TBC1D8B: variants seen among roughly 807,000 people sequenced by gnomAD.
TBC1D8B encodes the protein TBC1 domain family member 8B.
Under a neutral mutation model 82.9 loss-of-function variants are expected in TBC1D8B, and 75 were observed. The ratio of observed to expected loss-of-function variants is 0.90; its 90% CI spans 0.75 to 1.10. The LOEUF is 1.10. Ranked by LOEUF, TBC1D8B falls within the 50% of genes least tolerant of loss-of-function variation. The pLI is 0.00. For synonymous variants in TBC1D8B, 276 were observed against 276.8 expected (o/e 1.00, Z 0.03); for missense variants, 794 against 796.9 (o/e 1.00, Z 0.04).
At chrX:106,845,602 G>A (rs748087510) in intron 10 of TBC1D8B, among the ~76,000 whole-genome samples, 2 of 110,455 alleles carry the variant, frequency 1.8e-5, no homozygotes, top group South Asian at 7.8e-4. Context: ...ATCACTTTCT[G>A]CTCGCACAAA....
At chrX:106,807,891 A>G (rs1931243862) in intron 1 of TBC1D8B, among the ~76,000 whole-genome samples, 1 of 110,812 alleles carries the variant, frequency 9.0e-6, no homozygotes, top group Non-Finnish European at 1.9e-5. Context: ...CATCTCTACT[A>G]AAAATACAAA....
rs1286721826 is a variant in TBC1D8B, at chrX:106,868,466, T to C, written c.2802T>C (p.Ser934=). ...CCAAGGAAGAATTACTTTATTTCAG[T>C]CAGCTGCATGGTAAATACCTGTTTA... is the stretch of plus-strand genomic sequence containing the variant. ...ELSKEELLYF[S]QLHVSKPANE... is the part of the protein sequence containing the mutation. Residue 934 remains serine (S), a synonymous_variant, in exon 18 of 21, where the codon AGT becomes AGC. Coordinates refer to ENST00000357242, the MANE Select transcript of TBC1D8B (RefSeq NM_017752.3). The C allele has an allele frequency of 3.0e-6, 3 of 991,007 alleles. No homozygotes were observed. The highest frequency in any genetic ancestry group is 3.9e-6 in the Non-Finnish European group (3 of 772,886). 81.7% of individuals were successfully genotyped at this position (991,007 alleles called of 1,213,427 possible).
At chrX:106,834,485 C>T (rs1022440272) in intron 7 of TBC1D8B, among the ~76,000 whole-genome samples, 1 of 110,808 alleles carries the variant, frequency 9.0e-6, no homozygotes, top group Non-Finnish European at 1.9e-5. Flanking sequence ...CCTCCCAAAT[C>T]TCATGTCATG....
At chrX:106,868,130 T>TA (rs924807741) in intron 17 of TBC1D8B, among the ~76,000 whole-genome samples, 1 of 110,060 alleles carries the variant, frequency 9.1e-6, no homozygotes, top group Non-Finnish European at 1.9e-5. Flanking sequence ...GGAAAACCAT[T>TA]AAAAAAACAA....
At chrX:106,843,409 T>A (rs887935745) in intron 10 of TBC1D8B, among the ~76,000 whole-genome samples, 20 of 112,139 alleles carry the variant, frequency 1.8e-4, no homozygotes, top group African/African-American at 6.1e-4. Flanking sequence ...TTTCTGCACA[T>A]CCTTGACAAC....
intron 7 of TBC1D8B, among the ~76,000 whole-genome samples, chrX:106,832,045 A>G (rs927959773): frequency 1.7e-4 from 19 of 111,455 alleles, no homozygotes; most frequent in African/African-American, 5.8e-4. Flanking sequence ...TTCTTTTATA[A>G]CTACACTTTT....
chrX:106,860,340 GGTGTGTGTGTGTGTGTGT>G (rs3078333), intron 14 of TBC1D8B, among the ~76,000 whole-genome samples: 8 of 82,787 alleles, frequency 9.7e-5, no homozygotes, highest in African/African-American at 1.7e-4. Context: ...TTTTATGATT[GGTGTGTGTGTGTGTGTGT>G]GTGTGTGTGT....
At chrX:106,819,741 T>G in intron 2 of TBC1D8B, among the ~76,000 whole-genome samples, 1 of 110,889 alleles carries the variant, frequency 9.0e-6, no homozygotes, top group East Asian at 2.8e-4. Context: ...TTATACCTGC[T>G]GACATCACGA....
chrX:106,832,224 T>C, intron 7 of TBC1D8B, among the ~76,000 whole-genome samples: 1 of 111,356 alleles, frequency 9.0e-6, no homozygotes, highest in Admixed American at 9.6e-5. Context: ...TCAAAGACAT[T>C]ATACAAAGAA....
intron 1 of TBC1D8B, chrX:106,814,437 G>A (rs1355820595): frequency 1.9e-5 from 2 of 106,012 alleles, no homozygotes; most frequent in Non-Finnish European, 3.9e-5. Context: ...TCTTAATCCA[G>A]TCTATCATTG....
At chrX:106,805,682 A>G (rs1931166021) in intron 1 of TBC1D8B, among the ~76,000 whole-genome samples, 1 of 112,230 alleles carries the variant, frequency 8.9e-6, no homozygotes, top group Non-Finnish European at 1.9e-5. Context: ...AGAAAGAAAC[A>G]AAGAGGTGCT....
chrX:106,865,454 C>A, intron 14 of TBC1D8B, 105 bp from the exon 15 acceptor site: 1 of 472,843 alleles, frequency 2.1e-6, no homozygotes, highest in South Asian at 7.3e-5. Flanking sequence ...AGTTAAAACA[C>A]AAATATTTTC....
At chrX:106,846,489 G>T (rs1187941994) in intron 10 of TBC1D8B, among the ~76,000 whole-genome samples, 1 of 110,162 alleles carries the variant, frequency 9.1e-6, no homozygotes, top group Non-Finnish European at 1.9e-5. Context: ...GAGCTTACTG[G>T]TTTTACTGAG....
At position 106,822,128 on chromosome X, in the gene TBC1D8B, G is replaced by A. The variant is rs757881328; in HGVS notation, c.512G>A (p.Arg171Gln). ...TATTCATGCAGTTATTGGAAAGGAC[G>A]GGTTCCTTGTCAGGGTTGGCTTTAT... ...TYYSCSYWKG[R>Q]VPCQGWLYLS... The change falls in exon 4 of 21, where the codon CGG becomes CAG. Residue 171 changes from arginine to glutamine, a missense_variant. Coordinates refer to ENST00000357242, the MANE Select transcript of TBC1D8B (RefSeq NM_017752.3). 1.5e-5 allele frequency: 18 copies of A among 1,208,054 alleles called. No individual in the cohort carries two copies. Among genetic ancestry groups the A allele is most frequent in the East Asian group, 1.2e-4 (4 of 33,670 alleles).
chrX:106,838,364 T>G (rs1218616088), intron 7 of TBC1D8B, among the ~76,000 whole-genome samples: 3 of 111,449 alleles, frequency 2.7e-5, no homozygotes, highest in Non-Finnish European at 5.7e-5. Context: ...TGGGTTAGAT[T>G]TCCTTAAATG....
intron 5 of TBC1D8B, among the ~76,000 whole-genome samples, chrX:106,825,577 C>G (rs765094720): frequency 1.1e-4 from 12 of 111,200 alleles, no homozygotes; most frequent in South Asian, 7.4e-4. Flanking sequence ...CTTTAATAGA[C>G]TACTCTTTCC....
rs745597921 is a variant in TBC1D8B, at chrX:106,848,316, C to A, written c.1837+13C>A. 2 of 1,082,903 alleles carry A rather than the reference C, an allele frequency of 1.8e-6. No homozygotes were observed. Among genetic ancestry groups the A allele is most frequent in the East Asian group, 3.0e-5 (1 of 32,821 alleles). The allele number at this position is 1,082,903 out of a possible 1,213,427, so 89.2% of individuals were successfully genotyped here. On this transcript the variant is annotated intron_variant, in intron 11 of 20. Coordinates refer to ENST00000357242, the MANE Select transcript of TBC1D8B (RefSeq NM_017752.3). ...CGTCGAATTATTGGTAAAAGAAAAA[C>A]CACACACACACATATGCATACACAC...
In TBC1D8B at chrX:106,818,472, A is replaced by G. The variant is rs1309709054; in HGVS notation, c.131-191A>G. 3 of 329,403 alleles carry G rather than the reference A, an allele frequency of 9.1e-6. No homozygotes were observed. The East Asian group carries it at 1.4e-4, about 15-fold the overall frequency. 27.1% of individuals were successfully genotyped at this position (329,403 alleles called of 1,213,427 possible). ...TTTTATTGAAAGATAATTTTCTCAG[A>G]TACTACTCACATTGGCATACTGTAA... On this transcript the variant is annotated intron_variant, in intron 1 of 20. Coordinates refer to ENST00000357242, the MANE Select transcript of TBC1D8B (RefSeq NM_017752.3).
In TBC1D8B at chrX:106,840,862, A is replaced by G. The variant is rs1186620823; in HGVS notation, c.1697A>G (p.Asn566Ser). The change falls in exon 10 of 21, where the codon AAT (asparagine) becomes AGT (serine). Residue 566 changes from asparagine (N) to serine (S), a missense_variant. Physicochemically the swap from Asn to Ser is conservative, Grantham distance 46 (BLOSUM62 1). Coordinates refer to ENST00000357242, the MANE Select transcript of TBC1D8B (RefSeq NM_017752.3). ...GTACTCACAGCTTATGCATACAGGAATCCCAAAATTGGATACTGCCAGGTA... is the reference window on the plus strand; with the variant it reads ...GTACTCACAGCTTATGCATACAGGAGTCCCAAAATTGGATACTGCCAGGTA... Reference protein sequence around the residue: ...RRVLTAYAYRNPKIGYCQAMN... With the variant: ...RRVLTAYAYRSPKIGYCQAMN... The G allele has an allele frequency of 1.7e-6, 2 of 1,210,266 alleles. No individual in the cohort carries two copies. The highest frequency in any genetic ancestry group is 2.2e-5 in the Admixed American group (1 of 45,927).
Sources: gnomAD v4.1 joint callset for allele counts (sites outside exome capture counted in the v4.1 genomes callset) on GRCh38, gnomAD v4.1.1 for gene constraint, MANE v1.5 for transcripts, NCBI Gene and HGNC (gene_info 2026-07-23, HGNC 2026-07-21) for gene names.